The following ASCL4 variants were observed in gnomAD, a reference collection of about 807,000 sequenced individuals.
The protein encoded by ASCL4 is achaete-scute family bHLH transcription factor 4, also known as achaete-scute homolog 4.
A neutral mutation model predicts 0.3 loss-of-function variants in ASCL4; 1 was observed. That is an observed-to-expected ratio of 3.35 (90% confidence interval 1.19 to 15.89). ASCL4 has a LOEUF of 15.89. Among genes scored for constraint, ASCL4 ranks in the 30% most tolerant of loss-of-function variants. ASCL4 has a pLI of 0.12. For synonymous variants in ASCL4, 137 were observed against 119.5 expected, an observed-to-expected ratio of 1.15 and a Z score of -0.96; for missense variants, 330 against 256.9, an observed-to-expected ratio of 1.28 and a Z score of -1.94.
chr12:107,775,401 G>T lies in ASCL4; in HGVS notation c.183G>T (p.Leu61Phe). The stretch of plus-strand genomic sequence containing the variant: ...GCTGCGCACGGGGATGGCAGTACTT[G>T]CCCGTGCCGCTGGACAGCGCCTTCG... ...RSGCARGWQY[L>F]PVPLDSAFEP... Residue 61 changes from leucine (L) to phenylalanine (F), a missense_variant, in exon 1 of 1, where the codon TTG (leucine) becomes TTT (phenylalanine). Transcript: ENST00000342331. 3 of 1,592,376 alleles carry T rather than the reference G, an allele frequency of 1.9e-6. No individual in the cohort carries two copies. Among genetic ancestry groups the T allele is most frequent in the Non-Finnish European group, 2.6e-6 (3 of 1,172,672 alleles).
chr12:107,775,099 CAA>C lies in ASCL4; in HGVS notation c.-118_-117del. ...TAACTTCTGGACCCAGAAACTTCTG[CAA>C]AGACAGACCCACTGAGCCAGGCAGT... On this transcript the variant is annotated 5_prime_UTR_variant, in exon 1 of 1. Transcript: ENST00000342331. 1 of 1,368,016 alleles carries C rather than the reference CAA, an allele frequency of 7.3e-7. No individual in the cohort carries two copies. Among genetic ancestry groups the C allele is most frequent in the African/African-American group, 1.5e-5 (1 of 67,092 alleles). 84.7% of individuals were successfully genotyped at this position (1,368,016 alleles called of 1,614,324 possible).
chr12:107,776,574 C>T lies in ASCL4; in HGVS notation c.*837C>T, dbSNP rs1032555893. On this transcript the variant is annotated 3_prime_UTR_variant, in exon 1 of 1. Transcript: ENST00000342331. The stretch of plus-strand genomic sequence containing the variant: ...ATACCCCCCGCCCCCCAACGTGTAG[C>T]TCTCCATCTAAGTTTTGGATAAACT... The T allele has an allele frequency of 6.0e-6, 1 of 166,054 alleles. No individual in the cohort carries two copies. Among genetic ancestry groups the T allele is most frequent in the South Asian group, 2.2e-4 (1 of 4,650 alleles). 10.3% of individuals were successfully genotyped at this position (166,054 alleles called of 1,614,324 possible).
Position 107,775,760 on chromosome 12 carries a change from C to CT in ASCL4, c.*23_*24insT, listed in dbSNP as rs1891454406. The stretch of plus-strand genomic sequence containing the variant: ...TAGCGAGCGCCCGAACTGGCCAGGA[C>CT]CCCCGCGCCCGCCGCACAGCGCGCA... On this transcript the variant is annotated 3_prime_UTR_variant, in exon 1 of 1. Transcript: ENST00000342331. 7.2e-7 allele frequency: 1 copy of CT among 1,390,672 alleles called. No individual in the cohort carries two copies. Among genetic ancestry groups the CT allele is most frequent in the South Asian group, 1.6e-5 (1 of 60,644 alleles). 86.1% of individuals were successfully genotyped at this position (1,390,672 alleles called of 1,614,324 possible).
In ASCL4 at chr12:107,776,117, T is replaced by C; in HGVS notation, c.*380T>C. 5.2e-6 allele frequency: 1 copy of C among 191,356 alleles called. No individual in the cohort carries two copies. The highest frequency in any genetic ancestry group is 1.2e-5 in the Non-Finnish European group (1 of 85,944). 11.9% of individuals were successfully genotyped at this position (191,356 alleles called of 1,614,324 possible). ...CCGTGGTGTGGGTAAATGGTATACATAAACATTAAACCTTAACCAAAGAAG... is the reference window on the plus strand; with the variant it reads ...CCGTGGTGTGGGTAAATGGTATACACAAACATTAAACCTTAACCAAAGAAG... On this transcript the variant is annotated 3_prime_UTR_variant, in exon 1 of 1. Transcript: ENST00000342331.
Position 107,775,101 on chromosome 12 carries a change from A to G in ASCL4, c.-118A>G. On this transcript the variant is annotated 5_prime_UTR_variant, in exon 1 of 1. Coordinates refer to ENST00000342331, the MANE Select transcript of ASCL4 (RefSeq NM_203436.3). ...ACTTCTGGACCCAGAAACTTCTGCAAAGACAGACCCACTGAGCCAGGCAGT... is the reference window on the plus strand; with the variant it reads ...ACTTCTGGACCCAGAAACTTCTGCAGAGACAGACCCACTGAGCCAGGCAGT... 2 of 1,379,492 alleles carry G rather than the reference A, an allele frequency of 1.4e-6. No homozygotes were observed. Among genetic ancestry groups the G allele is most frequent in the Non-Finnish European group, 2.0e-6 (2 of 1,011,016 alleles). 85.5% of individuals were successfully genotyped at this position (1,379,492 alleles called of 1,614,324 possible). A position where few individuals can be genotyped will look rare whatever the true frequency, so the allele number is the denominator to read the frequency against.
At position 107,775,647 on chromosome 12, in the gene ASCL4, C is replaced by A; in HGVS notation, c.429C>A (p.Pro143=). 6.4e-7 allele frequency: 1 copy of A among 1,554,954 alleles called. No individual in the cohort carries two copies. The highest frequency in any genetic ancestry group is 1.9e-5 in the Admixed American group (1 of 53,298). The change falls in exon 1 of 1, where the codon CCC becomes CCA. Residue 143 remains proline, a synonymous_variant. Coordinates refer to ENST00000342331, the MANE Select transcript of ASCL4 (RefSeq NM_203436.3). ...TCGAGGGCGCGGCCGGCGCCGTCCCCCAGCGCAGGGCGGAATGCAACAGCG... is the reference window on the plus strand; with the variant it reads ...TCGAGGGCGCGGCCGGCGCCGTCCCACAGCGCAGGGCGGAATGCAACAGCG... ...WGLEGAAGAV[P]QRRAECNSDG...
rs1308492360 is a variant in ASCL4, at chr12:107,775,385, G to T, written c.167G>T (p.Arg56Leu). 1.3e-6 allele frequency: 2 copies of T among 1,599,366 alleles called. No individual in the cohort carries two copies. The highest frequency in any genetic ancestry group is 1.1e-5 in the South Asian group (1 of 90,428). Residue 56 changes from arginine to leucine, a missense_variant, in exon 1 of 1, where the codon CGG (arginine) becomes CTG (leucine). By Grantham distance (102) the Arg-to-Leu change is moderately radical (BLOSUM62 -2). Coordinates refer to ENST00000342331, the MANE Select transcript of ASCL4 (RefSeq NM_203436.3). Reference protein sequence around the residue: ...CWEWARSGCARGWQYLPVPLD... With the variant: ...CWEWARSGCALGWQYLPVPLD... ...GAGTGGGCGCGCAGCGGCTGCGCAC[G>T]GGGATGGCAGTACTTGCCCGTGCCG...
chr12:107,775,342 C>T lies in ASCL4; in HGVS notation c.124C>T (p.Leu42=). The change falls in exon 1 of 1, where the codon CTG becomes TTG. Residue 42 remains leucine, a synonymous_variant. Coordinates refer to ENST00000342331, the MANE Select transcript of ASCL4 (RefSeq NM_203436.3). ...RRDPLRVALR[L]DAACWEWARS... ...GGACCCCCTCAGGGTCGCCCTGCGT[C>T]TGGACGCCGCGTGCTGGGAGTGGGC... 6.2e-7 allele frequency: 1 copy of T among 1,608,904 alleles called. No individual in the cohort carries two copies. The highest frequency in any genetic ancestry group is 8.5e-7 in the Non-Finnish European group (1 of 1,177,692).
chr12:107,775,389 A>ATGGCAGTACTTGCCCGTGCCGC lies in ASCL4; in HGVS notation c.175_196dup (p.Asp66AlafsTer191). 1 of 1,598,774 alleles carries ATGGCAGTACTTGCCCGTGCCGC rather than the reference A, an allele frequency of 6.3e-7. No individual in the cohort carries two copies. The highest frequency in any genetic ancestry group is 8.5e-7 in the Non-Finnish European group (1 of 1,174,406). On this transcript the variant is annotated frameshift_variant, in exon 1 of 1. Coordinates refer to ENST00000342331, the MANE Select transcript of ASCL4 (RefSeq NM_203436.3). LOFTEE classifies it low-confidence loss of function (END_TRUNC). ...GGGCGCGCAGCGGCTGCGCACGGGG[A>ATGGCAGTACTTGCCCGTGCCGC]TGGCAGTACTTGCCCGTGCCGCTGG...
rs1891432136 is a variant in ASCL4 at position 107,774,889 on chromosome 12, G to T, written c.-330G>T. On this transcript the variant is annotated 5_prime_UTR_variant, in exon 1 of 1. Coordinates refer to ENST00000342331, the MANE Select transcript of ASCL4 (RefSeq NM_203436.3). Reference sequence around the variant, plus strand: ...GTGAGCTCACCTTTCCAGGCTGGGGGACCAGGCAGAGGAACCCCCTTTGTT... The same window carrying T: ...GTGAGCTCACCTTTCCAGGCTGGGGTACCAGGCAGAGGAACCCCCTTTGTT... The T allele has an allele frequency of 3.1e-6, 1 of 323,784 alleles. No homozygotes were observed. The highest frequency in any genetic ancestry group is 5.6e-6 in the Non-Finnish European group (1 of 177,348). 20.1% of individuals were successfully genotyped at this position (323,784 alleles called of 1,614,324 possible). A position where few individuals can be genotyped will look rare whatever the true frequency, so the allele number is the denominator to read the frequency against.
Position 107,776,182 on chromosome 12 carries a change from C to G in ASCL4, c.*445C>G. The G allele has an allele frequency of 5.9e-6, 1 of 170,304 alleles. No homozygotes were observed. The allele number at this position is 170,304 out of a possible 1,614,324, so 10.5% of individuals were successfully genotyped here. A position where few individuals can be genotyped will look rare whatever the true frequency, so the allele number is the denominator to read the frequency against. On this transcript the variant is annotated 3_prime_UTR_variant, in exon 1 of 1. Transcript: ENST00000342331. ...CAAAACAGAAACAACCCCAAACAGC[C>G]AAAAACAGTCCTTAAAAATGAGAGG... is the stretch of plus-strand genomic sequence containing the variant.
At position 107,775,209 on chromosome 12, in the gene ASCL4, C is replaced by T. The variant is rs755213080; in HGVS notation, c.-10C>T. 3 of 1,609,304 alleles carry T rather than the reference C, an allele frequency of 1.9e-6. No individual in the cohort carries two copies. The African/African-American group carries it at 4.0e-5, about 22-fold the overall frequency. On this transcript the variant is annotated 5_prime_UTR_variant, in exon 1 of 1. Coordinates refer to ENST00000342331, the MANE Select transcript of ASCL4 (RefSeq NM_203436.3). ...ACCTCTTGAGTGATTTGTGTGCTTTCCGGCAAATGATGGAGACGCGTAAAC... is the reference window on the plus strand; with the variant it reads ...ACCTCTTGAGTGATTTGTGTGCTTTTCGGCAAATGATGGAGACGCGTAAAC...
Position 107,774,906 on chromosome 12 carries a change from C to T in ASCL4, c.-313C>T, listed in dbSNP as rs1251816573. 7.9e-6 allele frequency: 3 copies of T among 378,732 alleles called. No homozygotes were observed. The highest frequency in any genetic ancestry group is 1.4e-5 in the Non-Finnish European group (3 of 212,054). The allele number at this position is 378,732 out of a possible 1,614,324, so 23.5% of individuals were successfully genotyped here. Reference sequence around the variant, plus strand: ...GGCTGGGGGACCAGGCAGAGGAACCCCCTTTGTTATCTTCTGAAAGAAGAT... The same window carrying T: ...GGCTGGGGGACCAGGCAGAGGAACCTCCTTTGTTATCTTCTGAAAGAAGAT... On this transcript the variant is annotated 5_prime_UTR_variant, in exon 1 of 1. Coordinates refer to ENST00000342331, the MANE Select transcript of ASCL4 (RefSeq NM_203436.3).
In ASCL4 at chr12:107,775,112, A is replaced by T; in HGVS notation, c.-107A>T. Reference sequence around the variant, plus strand: ...CAGAAACTTCTGCAAAGACAGACCCACTGAGCCAGGCAGTCTGCACCAGCA... The same window carrying T: ...CAGAAACTTCTGCAAAGACAGACCCTCTGAGCCAGGCAGTCTGCACCAGCA... On this transcript the variant is annotated 5_prime_UTR_variant, in exon 1 of 1. Coordinates refer to ENST00000342331, the MANE Select transcript of ASCL4 (RefSeq NM_203436.3). 6.9e-7 allele frequency: 1 copy of T among 1,454,192 alleles called. No homozygotes were observed. Among genetic ancestry groups the T allele is most frequent in the South Asian group, 1.3e-5 (1 of 75,878 alleles). 90.1% of individuals were successfully genotyped at this position (1,454,192 alleles called of 1,614,324 possible).
chr12:107,775,519 CG>C lies in ASCL4; in HGVS notation c.304del (p.Glu102SerfsTer104), dbSNP rs1891446146. The C allele has an allele frequency of 1.3e-6, 2 of 1,572,354 alleles. No individual in the cohort carries two copies. Among genetic ancestry groups the C allele is most frequent in the African/African-American group, 2.7e-5 (2 of 74,378 alleles). On this transcript the variant is annotated frameshift_variant, in exon 1 of 1. Transcript: ENST00000342331. LOFTEE classifies it low-confidence loss of function (END_TRUNC). ...GYARLRDHLP[R>X]ELADKRLSKV... is the part of the protein sequence containing the mutation. Reference sequence around the variant, plus strand: ...TGCGCGCCTCCGAGACCACCTGCCCCGGGAGCTGGCAGACAAGCGCCTCAGC... The same window carrying C: ...TGCGCGCCTCCGAGACCACCTGCCCCGGAGCTGGCAGACAAGCGCCTCAGC...
chr12:107,774,869 C>T lies in ASCL4; in HGVS notation c.-350C>T, dbSNP rs1381913991. The T allele has an allele frequency of 3.6e-6, 1 of 280,872 alleles. No homozygotes were observed. The highest frequency in any genetic ancestry group is 8.0e-5 in the East Asian group (1 of 12,440). The allele number at this position is 280,872 out of a possible 1,614,324, so 17.4% of individuals were successfully genotyped here. On this transcript the variant is annotated 5_prime_UTR_variant, in exon 1 of 1. Transcript: ENST00000342331. ...CTTTGGAAGATGACTCTGGTGTGAG[C>T]TCACCTTTCCAGGCTGGGGGACCAG... is the stretch of plus-strand genomic sequence containing the variant.
Position 107,775,614 on chromosome 12 carries a change from C to T in ASCL4, c.396C>T (p.Ala132=), listed in dbSNP as rs536418783. 1 of 1,570,588 alleles carries T rather than the reference C, an allele frequency of 6.4e-7. No individual in the cohort carries two copies. Among genetic ancestry groups the T allele is most frequent in the African/African-American group, 1.4e-5 (1 of 73,012 alleles). ...TGCAGGAGCTGCTGGAGCGCCAGGC[C>T]TGGGGGCTCGAGGGCGCGGCCGGCG... The part of the protein sequence containing the change: ...KHLQELLERQ[A]WGLEGAAGAV... Residue 132 remains alanine, a synonymous_variant, in exon 1 of 1, where the codon GCC becomes GCT. Coordinates refer to ENST00000342331, the MANE Select transcript of ASCL4 (RefSeq NM_203436.3).
In ASCL4 at chr12:107,775,728, G is replaced by A. The variant is rs1891453679; in HGVS notation, c.510G>A (p.Gly170=). Residue 170 remains glycine, a synonymous_variant, in exon 1 of 1, where the codon GGG becomes GGA. Coordinates refer to ENST00000342331, the MANE Select transcript of ASCL4 (RefSeq NM_203436.3). ...CGCCCAGCAGCGAGCCCGAGGAGGGGGGCAGCTAGCGAGCGCCCGAACTGG... is the reference window on the plus strand; with the variant it reads ...CGCCCAGCAGCGAGCCCGAGGAGGGAGGCAGCTAGCGAGCGCCCGAACTGG... ...APSPSSEPEE[G]GS 2 of 1,442,302 alleles carry A rather than the reference G, an allele frequency of 1.4e-6. No individual in the cohort carries two copies. Among genetic ancestry groups the A allele is most frequent in the East Asian group, 5.3e-5 (2 of 37,670 alleles). The allele number at this position is 1,442,302 out of a possible 1,614,324, so 89.3% of individuals were successfully genotyped here. A position where few individuals can be genotyped will look rare whatever the true frequency, so the allele number is the denominator to read the frequency against.
chr12:107,775,475 G>A lies in ASCL4; in HGVS notation c.257G>A (p.Arg86His). ...KRNERERQRV[R>H]CVNEGYARLR... ...AACGAGCGCGAGCGGCAGCGGGTGC[G>A]CTGCGTGAACGAGGGCTATGCGCGC... Residue 86 changes from arginine (R) to histidine (H), a missense_variant, in exon 1 of 1, where the codon CGC (arginine) becomes CAC (histidine). By Grantham distance (29) the Arg-to-His change is conservative. Transcript: ENST00000342331. The A allele has an allele frequency of 6.4e-7, 1 of 1,570,598 alleles. No homozygotes were observed. The highest frequency in any genetic ancestry group is 8.6e-7 in the Non-Finnish European group (1 of 1,166,478).
Sources: gnomAD v4.1 joint callset for allele counts on GRCh38, gnomAD v4.1.1 for gene constraint, MANE v1.5 for transcripts, NCBI Gene and HGNC (gene_info 2026-07-23, HGNC 2026-07-21) for gene names.